The following DEPDC5 variants were observed in gnomAD, a reference collection of about 807,000 sequenced individuals.
DEPDC5 encodes DEP domain containing 5, GATOR1 subcomplex subunit.
In DEPDC5, 73 loss-of-function variants were observed where a neutral mutation model predicts 217.3. That is an observed-to-expected ratio of 0.34 (90% confidence interval 0.28 to 0.41). DEPDC5 has a LOEUF of 0.41. Among genes scored for constraint, DEPDC5 ranks in the 10% least tolerant of loss-of-function variants. The probability of loss-of-function intolerance (pLI) is 1.00; values close to 1 mark genes in which losing one functional copy is unlikely to be tolerated. For synonymous variants in DEPDC5, 733 were observed against 756.7 expected (o/e 0.97, Z 0.51); for missense variants, 1,675 against 2,070.1 (o/e 0.81, Z 3.70).
chr22:31,852,189 A>G (rs2092061618), intron 31 of DEPDC5, among the ~76,000 whole-genome samples: 2 of 152,208 alleles, frequency 1.3e-5, no homozygotes. Context: ...AAATTTTATT[A>G]GAAAATTTCA....
intron 4 of DEPDC5, among the ~76,000 whole-genome samples, chr22:31,762,868 G>GCAGT (rs1569509615): frequency 6.6e-6 from 1 of 152,008 alleles, no homozygotes; most frequent in Non-Finnish European, 1.5e-5. Flanking sequence ...AGTCTGGAGT[G>GCAGT]CAGTCTCACA....
In DEPDC5 at chr22:31,870,599, G is replaced by C. The variant is rs1029839829; in HGVS notation, c.3340G>C (p.Asp1114His). ...TTTAAATCTCCTGCAGGTATCTGTG[G>C]ACCAAACAGCCACTCCTATGTTGGA... ...SSAFYPQVSVDQTATPMLDGT... is the reference protein window; with the variant it reads ...SSAFYPQVSVHQTATPMLDGT... Residue 1114 changes from aspartate to histidine, a missense_variant, in exon 34 of 43, where the codon GAC becomes CAC. Around this residue, in one of 11 missense-constraint regions of DEPDC5, gnomAD observed 126 missense variants for 113.8 expected, o/e 1.11. Coordinates refer to ENST00000651528, the MANE Select transcript of DEPDC5 (RefSeq NM_001242896.3). 20 of 1,532,848 alleles carry C rather than the reference G, an allele frequency of 1.3e-5. No homozygotes were observed. Among genetic ancestry groups the C allele is most frequent in the Non-Finnish European group, 1.8e-5 (20 of 1,142,774 alleles). 95.0% of individuals were successfully genotyped at this position (1,532,848 alleles called of 1,614,324 possible).
intron 22 of DEPDC5, among the ~76,000 whole-genome samples, chr22:31,821,285 A>G (rs2148819609): frequency 1.3e-5 from 2 of 152,372 alleles, no homozygotes; most frequent in East Asian, 1.9e-4. Flanking sequence ...AAATATTCTT[A>G]ACAGATTAGA....
chr22:31,867,034 G>C lies in DEPDC5; in HGVS notation c.3331-3556G>C, dbSNP rs536202518. Among the ~76,000 whole-genome samples the C allele has an allele frequency of 8.5e-5, 13 of 152,260 alleles. 1 individual carries two copies. Among genetic ancestry groups the C allele is most frequent in the East Asian group, 5.8e-4 (3 of 5,182 alleles). ...AAGTCTAGCCCACTCTAAAGCGGAG[G>C]GGGGAGTATCTACATATGTTCAGTG... On this transcript the variant is annotated intron_variant, in intron 33 of 42. Coordinates refer to ENST00000651528, the MANE Select transcript of DEPDC5 (RefSeq NM_001242896.3).
At chr22:31,798,379 G>A (rs533655397) in intron 13 of DEPDC5, among the ~76,000 whole-genome samples, 4 of 152,266 alleles carry the variant, frequency 2.6e-5, no homozygotes, top group African/African-American at 9.6e-5. Context: ...TTAGCCTTGT[G>A]TGGTGGCGTG....
intron 38 of DEPDC5, among the ~76,000 whole-genome samples, chr22:31,882,089 C>T (rs1185815198): frequency 3.3e-5 from 5 of 151,996 alleles, no homozygotes; most frequent in Non-Finnish European, 7.4e-5. Flanking sequence ...ATAACAAACA[C>T]AAGAACTTGA....
chr22:31,895,303 C>T (rs1030500153), intron 39 of DEPDC5, among the ~76,000 whole-genome samples: 1 of 152,128 alleles, frequency 6.6e-6, no homozygotes, highest in Non-Finnish European at 1.5e-5. Flanking sequence ...TCACAAGTGC[C>T]AAGGTTGAGA....
Position 31,897,655 on chromosome 22 carries a change from T to G in DEPDC5, c.4375+2T>G. The G allele has an allele frequency of 6.2e-7, 1 of 1,613,718 alleles. No individual in the cohort carries two copies. Among genetic ancestry groups the G allele is most frequent in the Non-Finnish European group, 8.5e-7 (1 of 1,179,906 alleles). ...AGGGCAGCGAGCACCTGTTTGATAG[T>G]AAGAAATATTCCCTTCTGGAGGTTG... On this transcript the variant is annotated splice_donor_variant, in intron 40 of 42. Coordinates refer to ENST00000651528, the MANE Select transcript of DEPDC5 (RefSeq NM_001242896.3). LOFTEE classifies it high-confidence loss of function.
chr22:31,888,324 A>C (rs1192326746), intron 38 of DEPDC5, among the ~76,000 whole-genome samples: 1 of 126,548 alleles, frequency 7.9e-6, no homozygotes, highest in Admixed American at 1.1e-4. Flanking sequence ...ATCTCAGCTC[A>C]CTGCAACCTC....
chr22:31,873,048 C>T lies in DEPDC5; in HGVS notation c.3486-207C>T, dbSNP rs987485393. ...GGGATTACAGACGTAAGCCACCAAA[C>T]CCGGCCCTAAATGTGTATATTTTAA... On this transcript the variant is annotated intron_variant, in intron 34 of 42. Transcript: ENST00000651528. The T allele has an allele frequency of 7.2e-6, 7 of 977,230 alleles. No individual in the cohort carries two copies. The East Asian group carries it at 1.8e-4, about 25-fold the overall frequency. The allele number at this position is 977,230 out of a possible 1,614,324, so 60.5% of individuals were successfully genotyped here. A position where few individuals can be genotyped will look rare whatever the true frequency, so the allele number is the denominator to read the frequency against.
At chr22:31,870,793 C>G (rs1371035696) in intron 34 of DEPDC5, 49 bp downstream of exon 34, 1 of 1,452,424 alleles carries the variant, frequency 6.9e-7, no homozygotes, top group Non-Finnish European at 9.1e-7. Context: ...TGGGGACAGT[C>G]TGATCTCAAA....
In DEPDC5 at chr22:31,857,353, A is replaced by G. The variant is rs2092340432; in HGVS notation, c.3156-92A>G. On this transcript the variant is annotated intron_variant, in intron 31 of 42. Coordinates refer to ENST00000651528, the MANE Select transcript of DEPDC5 (RefSeq NM_001242896.3). ...GGCAGAAGTGTGTGTTTCAAAGATGACAGCAACAGAGCTGTCTGCATCTTG... is the reference window on the plus strand; with the variant it reads ...GGCAGAAGTGTGTGTTTCAAAGATGGCAGCAACAGAGCTGTCTGCATCTTG... 6 of 1,028,738 alleles carry G rather than the reference A, an allele frequency of 5.8e-6. 1 individual carries two copies. The highest frequency in any genetic ancestry group is 8.6e-6 in the Non-Finnish European group (6 of 699,428). 63.7% of individuals were successfully genotyped at this position (1,028,738 alleles called of 1,614,324 possible). A position where few individuals can be genotyped will look rare whatever the true frequency, so the allele number is the denominator to read the frequency against.
intron 41 of DEPDC5, among the ~76,000 whole-genome samples, chr22:31,902,428 A>ATATATATACT (rs1433672911): frequency 7.0e-6 from 1 of 142,206 alleles, no homozygotes. Flanking sequence ...ATATATATAT[A>ATATATATACT]TATATATACT....
chr22:31,797,898 G>GT (rs1384942289), intron 13 of DEPDC5, among the ~76,000 whole-genome samples, 195 bp downstream of exon 13: 5 of 151,754 alleles, frequency 3.3e-5, no homozygotes, highest in Non-Finnish European at 5.9e-5. Context: ...CTAATACAGG[G>GT]AGTGAGGCCT....
chr22:31,759,654 G>C (rs997720379), intron 3 of DEPDC5, among the ~76,000 whole-genome samples: 11 of 143,412 alleles, frequency 7.7e-5, no homozygotes, highest in Admixed American at 5.8e-4. Flanking sequence ...TTACAGGCAT[G>C]AGCTACCTTG....
chr22:31,836,957 T>A lies in DEPDC5; in HGVS notation c.2171-15T>A. 1 of 1,441,784 alleles carries A rather than the reference T, an allele frequency of 6.9e-7. No homozygotes were observed. The highest frequency in any genetic ancestry group is 3.1e-5 in the East Asian group (1 of 31,764). The allele number at this position is 1,441,784 out of a possible 1,614,324, so 89.3% of individuals were successfully genotyped here. ...GGTGACCACATGTACCTTTTCCCCC[T>A]GTTACGTGAGGCAGTTCTGACACTG... is the stretch of plus-strand genomic sequence containing the variant. On this transcript the variant is annotated splice_polypyrimidine_tract_variant and intron_variant, in intron 25 of 42. Coordinates refer to ENST00000651528, the MANE Select transcript of DEPDC5 (RefSeq NM_001242896.3).
intron 8 of DEPDC5, among the ~76,000 whole-genome samples, chr22:31,780,734 C>T (rs1331397851): frequency 6.6e-6 from 1 of 152,208 alleles, no homozygotes; most frequent in Non-Finnish European, 1.5e-5. Context: ...TCTGTGCACT[C>T]ATTAGCAGTT....
chr22:31,853,914 G>A (rs773147119), intron 31 of DEPDC5, among the ~76,000 whole-genome samples: 18 of 152,340 alleles, frequency 1.2e-4, no homozygotes, highest in Non-Finnish European at 1.3e-4. Flanking sequence ...GGGAAAGCCT[G>A]CCAGCAATGA....
chr22:31,758,600 T>G lies in DEPDC5; in HGVS notation c.113T>G (p.Ile38Ser). The change falls in exon 3 of 43, where the codon ATT (isoleucine) becomes AGT (serine). Residue 38 changes from isoleucine to serine, a missense_variant. Around this residue, in one of 11 missense-constraint regions of DEPDC5, gnomAD observed 628 missense variants for 762.1 expected, o/e 0.82. Coordinates refer to ENST00000651528, the MANE Select transcript of DEPDC5 (RefSeq NM_001242896.3). ...TTCCCTCACATCAAGCTTGGAGACATTGTAGAGATTGCACACCCCAACGAT... is the reference window on the plus strand; with the variant it reads ...TTCCCTCACATCAAGCTTGGAGACAGTGTAGAGATTGCACACCCCAACGAT... ...KVFPHIKLGD[I>S]VEIAHPNDEY... is the part of the protein sequence containing the mutation. 1 of 1,614,124 alleles carries G rather than the reference T, an allele frequency of 6.2e-7. No homozygotes were observed. Among genetic ancestry groups the G allele is most frequent in the Non-Finnish European group, 8.5e-7 (1 of 1,180,016 alleles).
Sources: gnomAD v4.1 joint callset for allele counts (sites outside exome capture counted in the v4.1 genomes callset) on GRCh38, gnomAD v4.1.1 for gene constraint, gnomAD v4.1.1 regional missense constraint, MANE v1.5 for transcripts, NCBI Gene and HGNC (gene_info 2026-07-23, HGNC 2026-07-21) for gene names.